The following CNTROB variants were observed in gnomAD, a reference collection of about 807,000 sequenced individuals.
CNTROB encodes centrobin.
Under a neutral mutation model 115.7 loss-of-function variants are expected in CNTROB, and 82 were observed. The observed-to-expected ratio is 0.71, with a 90% CI of 0.59 to 0.85. The LOEUF is 0.85. CNTROB is among the 40% of genes least tolerant of loss of function. CNTROB has a pLI of 0.00. For missense variants in CNTROB, 1,014 were observed against 1,144.4 expected, an observed-to-expected ratio of 0.89 and a Z score of 1.64; for synonymous variants, 439 against 456.4, an observed-to-expected ratio of 0.96 and a Z score of 0.49.
rs745647540 is a variant in CNTROB, at chr17:7,944,240, C to T, written c.1563C>T (p.Tyr521=). The change falls in exon 11 of 19, where the codon TAC becomes TAT. Residue 521 remains tyrosine (Y), a synonymous_variant. Transcript: ENST00000563694. This position sits in a 1 kb window ranked among gnomAD's most constrained non-coding sequence, Gnocchi z 4.0. ...GGCAACAGCAGGTGGCTGAGGACTA[C>T]GAGCTCAGGTCCTGGTCCCCAGAGT... ...EERQQQVAED[Y]ELRLAREQAR... is the part of the protein sequence containing the mutation. The T allele has an allele frequency of 1.5e-5, 24 of 1,613,756 alleles. No homozygotes were observed. The East Asian group carries it at 1.8e-4, about 12-fold the overall frequency.
chr17:7,949,335 T>G, intron 18 of CNTROB, 50 bp from the exon 19 acceptor site: 1 of 1,608,886 alleles, frequency 6.2e-7, no homozygotes, highest in Non-Finnish European at 8.5e-7. Flanking sequence ...GGGTGGGGAA[T>G]TGAGAGGATC....
rs760402999 is a variant in CNTROB, at chr17:7,934,304, G to A, written c.355+82G>A. The A allele has an allele frequency of 1.0e-3, 1,467 of 1,431,358 alleles. 4 individuals carry two copies. The highest frequency in any genetic ancestry group is 1.3e-3 in the Non-Finnish European group (1,359 of 1,014,504). 88.7% of individuals were successfully genotyped at this position (1,431,358 alleles called of 1,614,324 possible). A position where few individuals can be genotyped will look rare whatever the true frequency, so the allele number is the denominator to read the frequency against. Reference sequence around the variant, plus strand: ...GAAAGTGGACAGAGGAAGCAGGCAGGAAAACCTCTGAGCAAGAGATTTCAG... The same window carrying A: ...GAAAGTGGACAGAGGAAGCAGGCAGAAAAACCTCTGAGCAAGAGATTTCAG... On this transcript the variant is annotated intron_variant, in intron 2 of 18. Coordinates refer to ENST00000563694, the MANE Select transcript of CNTROB (RefSeq NM_053051.5).
In CNTROB at chr17:7,932,895, C is replaced by A. The variant is rs112050135; in HGVS notation, c.-185C>A. 1 of 639,556 alleles carries A rather than the reference C, an allele frequency of 1.6e-6. No homozygotes were observed. The allele number at this position is 639,556 out of a possible 1,614,324, so 39.6% of individuals were successfully genotyped here. ...GATGCTTTTGCCCACTCCCATGGCC[C>A]CTGGAACTGGTGGAAACCTTTCCTC... is the stretch of plus-strand genomic sequence containing the variant. On this transcript the variant is annotated 5_prime_UTR_variant, in exon 1 of 19. Coordinates refer to ENST00000563694, the MANE Select transcript of CNTROB (RefSeq NM_053051.5).
At chr17:7,947,147 C>T (rs376897916) in intron 13 of CNTROB, among the ~76,000 whole-genome samples, 8 of 133,608 alleles carry the variant, frequency 6.0e-5, no homozygotes, top group Middle Eastern at 4.1e-3. Context: ...GGCGACAGAG[C>T]GAGACTCCAT....
At position 7,939,900 on chromosome 17, in the gene CNTROB, G is replaced by A; in HGVS notation, c.1164+151G>A. 1 of 1,029,698 alleles carries A rather than the reference G, an allele frequency of 9.7e-7. No individual in the cohort carries two copies. Among genetic ancestry groups the A allele is most frequent in the East Asian group, 2.5e-5 (1 of 40,666 alleles). The allele number at this position is 1,029,698 out of a possible 1,614,324, so 63.8% of individuals were successfully genotyped here. On this transcript the variant is annotated intron_variant, in intron 8 of 18. Transcript: ENST00000563694. This position sits in a 1 kb window ranked among gnomAD's most constrained non-coding sequence, Gnocchi z 4.4. ...GTGGGAGACAAGGTTGAGAGTATAG[G>A]GCCAGCAGGAAGGGCTGGGGGTAAT...
intron 13 of CNTROB, among the ~76,000 whole-genome samples, chr17:7,946,417 C>T (rs944600373): frequency 8.7e-5 from 11 of 126,578 alleles, no homozygotes; most frequent in African/African-American, 3.1e-4. Flanking sequence ...ATAGAGACAT[C>T]GGTGTCTCAG....
In CNTROB at chr17:7,947,590, T is replaced by A; in HGVS notation, c.2013T>A (p.Leu671=). Residue 671 remains leucine, a synonymous_variant, in exon 14 of 19, where the codon CTT becomes CTA. Coordinates refer to ENST00000563694, the MANE Select transcript of CNTROB (RefSeq NM_053051.5). ...TSSTAGAFSA[L]GAFHPDHRAE... The stretch of plus-strand genomic sequence containing the variant: ...TTATAGCTGGGGCCTTCTCTGCACT[T>A]GGGGCCTTCCATCCCGATCATAGGG... 6.2e-7 allele frequency: 1 copy of A among 1,610,260 alleles called. No individual in the cohort carries two copies. Among genetic ancestry groups the A allele is most frequent in the South Asian group, 1.1e-5 (1 of 90,876 alleles).
In CNTROB at chr17:7,934,235, C is replaced by A; in HGVS notation, c.355+13C>A. 6.2e-7 allele frequency: 1 copy of A among 1,612,090 alleles called. No homozygotes were observed. The highest frequency in any genetic ancestry group is 8.5e-7 in the Non-Finnish European group (1 of 1,178,132). On this transcript the variant is annotated intron_variant, in intron 2 of 18. Transcript: ENST00000563694. ...GATACAGCCTATCGTGAGTAAGCCC[C>A]TTCCCTAGAACTATGAAGGAGAACC...
chr17:7,943,446 A>G lies in CNTROB; in HGVS notation c.1367A>G (p.Glu456Gly), dbSNP rs1598097224. The change falls in exon 10 of 19, where the codon GAG becomes GGG. Residue 456 changes from glutamate to glycine, a missense_variant. Transcript: ENST00000563694. The surrounding 1 kb of genome is among the most constrained non-coding windows in gnomAD (Gnocchi z 4.7). ...GAGTCGGAGCTGGCTGTGCAGCTGG[A>G]GCAGCGGGTGACAGAGCGGCTGGCG... ...QLESELAVQL[E>G]QRVTERLAQA... 6.2e-7 allele frequency: 1 copy of G among 1,613,994 alleles called. No homozygotes were observed. Among genetic ancestry groups the G allele is most frequent in the Non-Finnish European group, 8.5e-7 (1 of 1,179,904 alleles).
intron 13 of CNTROB, among the ~76,000 whole-genome samples, 186 bp downstream of exon 13, chr17:7,946,172 A>G (rs1326012491): frequency 6.6e-6 from 1 of 152,264 alleles, no homozygotes; most frequent in African/African-American, 2.4e-5. Flanking sequence ...TCATGGAAAT[A>G]TGACATCGCT....
chr17:7,946,693 C>A (rs935840431), intron 13 of CNTROB, among the ~76,000 whole-genome samples: 2 of 151,940 alleles, frequency 1.3e-5, no homozygotes, highest in Non-Finnish European at 2.9e-5. Context: ...TATAGTGAGA[C>A]CTCATCTCTA....
rs543475521 is a variant in CNTROB, at chr17:7,944,499, T to C, written c.1595T>C (p.Val532Ala). 6.2e-7 allele frequency: 1 copy of C among 1,613,770 alleles called. No individual in the cohort carries two copies. Among genetic ancestry groups the C allele is most frequent in the South Asian group, 1.1e-5 (1 of 91,058 alleles). ...AGACTGGCCCGGGAGCAAGCGCGAG[T>C]GTGCGAACTGCAGAGTGGGAACCAG... ...ELRLAREQAR[V>A]CELQSGNQQL... is the part of the protein sequence containing the mutation. The change falls in exon 12 of 19, where the codon GTG becomes GCG. Residue 532 changes from valine (V) to alanine (A), a missense_variant. Transcript: ENST00000563694. This position sits in a 1 kb window ranked among gnomAD's most constrained non-coding sequence, Gnocchi z 4.0.
Position 7,944,778 on chromosome 17 carries a change from A to G in CNTROB, c.1734+140A>G. 4 of 981,930 alleles carry G rather than the reference A, an allele frequency of 4.1e-6. No homozygotes were observed. The highest frequency in any genetic ancestry group is 5.8e-6 in the Non-Finnish European group (4 of 692,004). The allele number at this position is 981,930 out of a possible 1,614,324, so 60.8% of individuals were successfully genotyped here. Reference sequence around the variant, plus strand: ...TTGCAGCCTCGAACTCCTGGGCTCAAGTGATCCTCCCACCTCTAACTCCCA... The same window carrying G: ...TTGCAGCCTCGAACTCCTGGGCTCAGGTGATCCTCCCACCTCTAACTCCCA... On this transcript the variant is annotated intron_variant, in intron 12 of 18. Coordinates refer to ENST00000563694, the MANE Select transcript of CNTROB (RefSeq NM_053051.5). This position sits in a 1 kb window ranked among gnomAD's most constrained non-coding sequence, Gnocchi z 4.0.
At chr17:7,942,795 T>G (rs1159639546) in intron 9 of CNTROB, among the ~76,000 whole-genome samples, 35 of 94,688 alleles carry the variant, frequency 3.7e-4, no homozygotes, top group African/African-American at 1.5e-3. Flanking sequence ...GTATTTTTTT[T>G]TTTTTTTTTT....
rs1193125925 is a variant in CNTROB at position 7,948,951 on chromosome 17, C to T, written c.2514-134C>T. The T allele has an allele frequency of 6.4e-7, 1 of 1,562,034 alleles. No individual in the cohort carries two copies. The highest frequency in any genetic ancestry group is 1.4e-5 in the African/African-American group (1 of 73,802). On this transcript the variant is annotated intron_variant, in intron 17 of 18. Transcript: ENST00000563694. This position sits in a 1 kb window ranked among gnomAD's most constrained non-coding sequence, Gnocchi z 4.4. ...TTATTTACTTCCACTAATGTCTCCT[C>T]CCAGTTGATGCCCAGGTCTATCGAG...
intron 3 of CNTROB, 78 bp from the exon 4 acceptor site, chr17:7,934,911 A>G (rs751887797): frequency 1.6e-5 from 24 of 1,486,950 alleles, no homozygotes; most frequent in Non-Finnish European, 2.1e-5. Flanking sequence ...CAGTTTCCTC[A>G]TTTGTAGAAT....
rs1179017313 is a variant in CNTROB, at chr17:7,932,436, G to A, written c.-644G>A. The A allele has an allele frequency of 6.3e-6, 1 of 159,002 alleles. No homozygotes were observed. The highest frequency in any genetic ancestry group is 1.4e-5 in the Non-Finnish European group (1 of 72,198). The allele number at this position is 159,002 out of a possible 1,614,324, so 9.8% of individuals were successfully genotyped here. A position where few individuals can be genotyped will look rare whatever the true frequency, so the allele number is the denominator to read the frequency against. Reference sequence around the variant, plus strand: ...TTAGGGCGTGACTGAGGGTTCACAAGGTTTCTTTTGGGGTGGTCGGGAGGG... The same window carrying A: ...TTAGGGCGTGACTGAGGGTTCACAAAGTTTCTTTTGGGGTGGTCGGGAGGG... On this transcript the variant is annotated 5_prime_UTR_variant, in exon 1 of 19. Coordinates refer to ENST00000563694, the MANE Select transcript of CNTROB (RefSeq NM_053051.5).
intron 12 of CNTROB, chr17:7,945,502 C>T (rs1385304761): frequency 5.7e-6 from 3 of 527,382 alleles, no homozygotes; most frequent in East Asian, 3.2e-5. Context: ...CACACACGTG[C>T]CATTGCCCCC....
In CNTROB at chr17:7,945,943, T is replaced by C; in HGVS notation, c.1950T>C (p.Ser650=). Residue 650 remains serine (S), a synonymous_variant, in exon 13 of 19, where the codon TCT becomes TCC. Transcript: ENST00000563694. ...GCCCCTCTTTTCAGAGCCAGCATTC[T>C]TTCCAGCCCCTGGAGCCCAAACCAG... ...LLGPSFQSQH[S]FQPLEPKPDL... is the part of the protein sequence containing the mutation. 6.2e-7 allele frequency: 1 copy of C among 1,614,176 alleles called. No homozygotes were observed. Among genetic ancestry groups the C allele is most frequent in the Non-Finnish European group, 8.5e-7 (1 of 1,179,992 alleles).
Sources: allele counts gnomAD v4.1 joint callset (sites outside exome capture counted in the v4.1 genomes callset), GRCh38; gene constraint gnomAD v4.1.1; non-coding constraint Gnocchi (gnomAD v3.1); transcripts MANE v1.5; gene names NCBI Gene and HGNC (gene_info 2026-07-23, HGNC 2026-07-21).